The following RBM47 variants were observed in gnomAD, a reference collection of about 807,000 sequenced individuals.
The protein encoded by RBM47 is RNA binding motif protein 47, also known as RNA-binding protein 47.
Under a neutral mutation model 47.1 loss-of-function variants are expected in RBM47, and 21 were observed. The observed-to-expected ratio is 0.45, with a 90% confidence interval of 0.32 to 0.64. RBM47 has a LOEUF of 0.64. Ranked by LOEUF, RBM47 falls within the 30% of genes least tolerant of loss-of-function variation. The pLI is 0.05. For missense variants in RBM47, 708 were observed against 870.9 expected (o/e 0.81, Z 2.35); for synonymous variants, 375 against 361.7 (o/e 1.04, Z -0.42).
intron 2 of RBM47, among the ~76,000 whole-genome samples, chr4:40,504,927 A>G (rs551807145): frequency 4.6e-5 from 7 of 152,340 alleles, no homozygotes; most frequent in African/African-American, 1.4e-4. Context: ...AGGACTGCCA[A>G]CCTCTGAAGA....
chr4:40,626,586 T>C (rs1737758274), intron 1 of RBM47, among the ~76,000 whole-genome samples: 2 of 152,176 alleles, frequency 1.3e-5, no homozygotes, highest in Non-Finnish European at 2.9e-5. Flanking sequence ...CCCTTTCTAC[T>C]TTCGCTGGAA....
Position 40,582,686 on chromosome 4 carries a change from G to A in RBM47, c.-239-38180C>T, listed in dbSNP as rs184233893. Among the ~76,000 whole-genome samples, 6 of 152,212 alleles carry A rather than the reference G, an allele frequency of 3.9e-5. No homozygotes were observed. The East Asian group carries it at 5.8e-4, about 15-fold the overall frequency. On this transcript the variant is annotated intron_variant, in intron 1 of 6. Coordinates refer to ENST00000295971, the MANE Select transcript of RBM47 (RefSeq NM_001098634.2). The stretch of plus-strand genomic sequence containing the variant: ...CCCATATGCCATACAAACTTGTCAC[G>A]TTTCCTGAACACATTCTTCTGGCTC...
rs117460960 is a variant in RBM47, at chr4:40,614,168, T to A, written c.-240+15228A>T. ...CAAATCTGTAAGAACTTTGTAAGAT[T>A]TGGAACGAGCCATCTAACCCAGCAT... On this transcript the variant is annotated intron_variant, in intron 1 of 6. Transcript: ENST00000295971. 4.2e-4 allele frequency among the ~76,000 whole-genome samples: 64 copies of A among 152,254 alleles called. 1 individual carries two copies. In the East Asian group the frequency reaches 0.011, roughly 26 times the overall value.
At chr4:40,435,516 C>G (rs986750011) in intron 5 of RBM47, among the ~76,000 whole-genome samples, 1 of 152,138 alleles carries the variant, frequency 6.6e-6, no homozygotes, top group African/African-American at 2.4e-5. Flanking sequence ...CCACTGCACT[C>G]CAGCCCGGGT....
intron 2 of RBM47, among the ~76,000 whole-genome samples, chr4:40,541,921 C>T (rs1462932667): frequency 1.3e-5 from 2 of 152,172 alleles, no homozygotes; most frequent in African/African-American, 4.8e-5. Context: ...CGTACACATA[C>T]ATTGACTATG....
At position 40,429,688 on chromosome 4, in the gene RBM47, C is replaced by CAAAAAA. The variant is rs60673202; in HGVS notation, c.1542+2957_1542+2962dup. 1.0e-3 allele frequency among the ~76,000 whole-genome samples: 40 copies of CAAAAAA among 38,098 alleles called. 6 individuals carry two copies. Among genetic ancestry groups the CAAAAAA allele is most frequent in the African/African-American group, 5.4e-3 (32 of 5,962 alleles). 25.0% of individuals were successfully genotyped at this position (38,098 alleles called of 152,430 possible). A position where few individuals can be genotyped will look rare whatever the true frequency, so the allele number is the denominator to read the frequency against. ...TGGGTGACAAAGTGAGACTCCATCT[C>CAAAAAA]AAAAAAAAAAAAAAAAAAAAAAAAA... On this transcript the variant is annotated intron_variant, in intron 6 of 6. Transcript: ENST00000295971.
intron 5 of RBM47, among the ~76,000 whole-genome samples, chr4:40,433,163 G>A (rs1000890316): frequency 9.9e-5 from 15 of 152,046 alleles, no homozygotes; most frequent in Admixed American, 2.0e-4. Context: ...GTTTCGCCAC[G>A]TTGCCCAGGC....
At chr4:40,600,184 T>G (rs74716816) in intron 1 of RBM47, among the ~76,000 whole-genome samples, 2,015 of 151,728 alleles carry the variant, frequency 0.013, 15 homozygotes, top group Middle Eastern at 0.027. Context: ...TTATGAATTT[T>G]TTTTTTTTTG....
At chr4:40,587,088 A>C (rs918539291) in intron 1 of RBM47, among the ~76,000 whole-genome samples, 1 of 152,144 alleles carries the variant, frequency 6.6e-6, no homozygotes, top group Non-Finnish European at 1.5e-5. Context: ...GGGCTGGAAG[A>C]GCCGTGAGGA....
At chr4:40,517,773 C>T (rs1461243403) in intron 2 of RBM47, among the ~76,000 whole-genome samples, 2 of 152,178 alleles carry the variant, frequency 1.3e-5, no homozygotes, top group Non-Finnish European at 2.9e-5. Flanking sequence ...ACATAGACTT[C>T]TTTTTCTTGT....
At chr4:40,501,511 C>T (rs1313683711) in intron 2 of RBM47, among the ~76,000 whole-genome samples, 1 of 152,228 alleles carries the variant, frequency 6.6e-6, no homozygotes, top group East Asian at 1.9e-4. Context: ...CCGTCTAATA[C>T]AAAAGCCACT....
intron 1 of RBM47, among the ~76,000 whole-genome samples, chr4:40,569,471 G>A (rs1457702422): frequency 6.7e-6 from 1 of 149,818 alleles, no homozygotes; most frequent in Non-Finnish European, 1.5e-5. Context: ...GTGCAGTGGT[G>A]CGATCTCAGT....
chr4:40,598,832 T>C (rs1734985782), intron 1 of RBM47, among the ~76,000 whole-genome samples: 1 of 131,922 alleles, frequency 7.6e-6, no homozygotes, highest in African/African-American at 2.9e-5. Context: ...CAGAAAGTCT[T>C]TTATTCTTGT....
intron 1 of RBM47, among the ~76,000 whole-genome samples, chr4:40,596,049 A>T (rs966604877): frequency 5.3e-5 from 8 of 152,254 alleles, no homozygotes; most frequent in African/African-American, 1.9e-4. Flanking sequence ...ACAGAAGACA[A>T]GGAAAGCTGC....
intron 2 of RBM47, among the ~76,000 whole-genome samples, chr4:40,481,795 G>T (rs191806491): frequency 4.6e-5 from 7 of 151,958 alleles, no homozygotes; most frequent in African/African-American, 1.7e-4. Flanking sequence ...CAAGCGATCC[G>T]CCCGCCTTGG....
chr4:40,432,072 C>G (rs150728867), intron 6 of RBM47, among the ~76,000 whole-genome samples: 31,030 of 151,730 alleles, frequency 0.2, 3,883 homozygotes, highest in Middle Eastern at 0.33. Context: ...CAGGCTGGTC[C>G]TGAACTCCTG....
intron 3 of RBM47, among the ~76,000 whole-genome samples, chr4:40,456,571 C>CTTTTTTTTTTTTT (rs34320480): frequency 8.3e-4 from 93 of 112,518 alleles, no homozygotes; most frequent in Admixed American, 1.0e-3. Flanking sequence ...TTTCTTTTTT[C>CTTTTTTTTTTTTT]TTTTTTTTTT....
chr4:40,583,878 C>CA (rs1733274135), intron 1 of RBM47, among the ~76,000 whole-genome samples: 1 of 56,506 alleles, frequency 1.8e-5, no homozygotes, highest in South Asian at 4.5e-4. Context: ...AAACAAAAAA[C>CA]AAAAAACAAA....
intron 1 of RBM47, among the ~76,000 whole-genome samples, chr4:40,574,015 A>G (rs1732053050): frequency 6.6e-6 from 1 of 152,228 alleles, no homozygotes; most frequent in Non-Finnish European, 1.5e-5. Context: ...TTTTGCCACA[A>G]AGCTTTCATA....
Sources: allele counts gnomAD v4.1 joint callset (sites outside exome capture counted in the v4.1 genomes callset), GRCh38; gene constraint gnomAD v4.1.1; transcripts MANE v1.5; gene names NCBI Gene and HGNC (gene_info 2026-07-23, HGNC 2026-07-21).